The following USH1G variants were observed in gnomAD, a reference collection of about 807,000 sequenced individuals.
USH1G encodes the protein USH1 protein network component sans.
Under a neutral mutation model 31.9 loss-of-function variants are expected in USH1G, and 27 were observed. That is an observed-to-expected ratio of 0.85 (90% confidence interval 0.62 to 1.17). The LOEUF (loss-of-function observed/expected upper bound fraction) is 1.17. USH1G is among the 50% of genes most tolerant of loss of function. The pLI is 0.00. For missense variants in USH1G, 674 were observed against 638.9 expected (o/e 1.05, Z -0.59); for synonymous variants, 266 against 283.2 (o/e 0.94, Z 0.61).
chr17:74,918,192 T>C lies in USH1G; in HGVS notation c.1383-116A>G. The C allele has an allele frequency of 7.0e-7, 1 of 1,434,348 alleles. No homozygotes were observed. The allele number at this position is 1,434,348 out of a possible 1,614,324, so 88.9% of individuals were successfully genotyped here. A position where few individuals can be genotyped will look rare whatever the true frequency, so the allele number is the denominator to read the frequency against. ...CCTCCCCATCTCTCGGCAGGCCAAT[T>C]GTCAGGGATGGGGGACGCCAGCCTA... is the stretch of plus-strand genomic sequence containing the variant. On this transcript the variant is annotated intron_variant, in intron 2 of 2. Transcript: ENST00000614341. The surrounding 1 kb of genome is among the most constrained non-coding windows in gnomAD (Gnocchi z 4.1).
rs373695566 is a variant in USH1G, at chr17:74,923,108, G to T, written c.-35C>A. The T allele has an allele frequency of 1.3e-6, 2 of 1,542,728 alleles. No homozygotes were observed. The highest frequency in any genetic ancestry group is 1.2e-5 in the South Asian group (1 of 83,560). On this transcript the variant is annotated 5_prime_UTR_variant, in exon 1 of 3. Coordinates refer to ENST00000614341, the MANE Select transcript of USH1G (RefSeq NM_173477.5). This position sits in a 1 kb window ranked among gnomAD's most constrained non-coding sequence, Gnocchi z 5.3. ...AGTGGACGGGGCGGGCGGGGGACAC[G>T]GAGAAAGGCCCCCCGCAGGGGAGGG...
chr17:74,921,446 C>T lies in USH1G; in HGVS notation c.165-775G>A, dbSNP rs2038942180. Among the ~76,000 whole-genome samples, 1 of 152,050 alleles carries T rather than the reference C, an allele frequency of 6.6e-6. No homozygotes were observed. On this transcript the variant is annotated intron_variant, in intron 1 of 2. Coordinates refer to ENST00000614341, the MANE Select transcript of USH1G (RefSeq NM_173477.5). This position sits in a 1 kb window ranked among gnomAD's most constrained non-coding sequence, Gnocchi z 4.6. Reference sequence around the variant, plus strand: ...CAGCCCCCACAAGCACCCTTCACACCAGACGGGTGTCCCCCAGGGCAAGCT... The same window carrying T: ...CAGCCCCCACAAGCACCCTTCACACTAGACGGGTGTCCCCCAGGGCAAGCT...
Position 74,920,312 on chromosome 17 carries a change from G to A in USH1G, c.524C>T (p.Thr175Ile). 1 of 1,607,560 alleles carries A rather than the reference G, an allele frequency of 6.2e-7. No homozygotes were observed. Among genetic ancestry groups the A allele is most frequent in the Non-Finnish European group, 8.5e-7 (1 of 1,178,866 alleles). ...GGACGTGAGGCTGGAGAAGCTGAGG[G>A]TGTCGGAACGCTCGGCCAGCTCGCG... is the stretch of plus-strand genomic sequence containing the variant. ...YRRELAERSD[T>I]LSFSSLTSST... Residue 175 changes from threonine to isoleucine, a missense_variant, in exon 2 of 3, where the codon ACC becomes ATC. By Grantham distance (89) the Thr-to-Ile change is moderately conservative. Coordinates refer to ENST00000614341, the MANE Select transcript of USH1G (RefSeq NM_173477.5). The surrounding 1 kb of genome is among the most constrained non-coding windows in gnomAD (Gnocchi z 5.2).
rs1422716864 is a variant in USH1G at position 74,919,843 on chromosome 17, G to A, written c.993C>T (p.Arg331=). The change falls in exon 2 of 3, where the codon CGC becomes CGT. Residue 331 remains arginine (R), a synonymous_variant. Coordinates refer to ENST00000614341, the MANE Select transcript of USH1G (RefSeq NM_173477.5). The surrounding 1 kb of genome is among the most constrained non-coding windows in gnomAD (Gnocchi z 4.5). The part of the protein sequence containing the change: ...YLSSGLHGLG[R]EDGGLDGVGA... ...CCACCCCATCCAGACCCCCATCCTC[G>A]CGGCCCAGTCCGTGCAGCCCACTGC... 1 of 1,612,848 alleles carries A rather than the reference G, an allele frequency of 6.2e-7. No individual in the cohort carries two copies. Among genetic ancestry groups the A allele is most frequent in the African/African-American group, 1.3e-5 (1 of 74,912 alleles).
In USH1G at chr17:74,922,928, C is replaced by G. The variant is rs917200314; in HGVS notation, c.146G>C (p.Arg49Pro). 4 of 1,547,172 alleles carry G rather than the reference C, an allele frequency of 2.6e-6. No homozygotes were observed. In the African/African-American group the frequency reaches 4.1e-5, roughly 16 times the overall value. Residue 49 changes from arginine to proline, a missense_variant, in exon 1 of 3, where the codon CGT becomes CCT. Transcript: ENST00000614341. ...TACTCACCCGCGGCTCACAATGAGACGCAGCGACTCGAGGTTGCCATGGTA... is the reference window on the plus strand; with the variant it reads ...TACTCACCCGCGGCTCACAATGAGAGGCAGCGACTCGAGGTTGCCATGGTA... Reference protein sequence around the residue: ...AAYHGNLESLRLIVSRGGDPD... With the variant: ...AAYHGNLESLPLIVSRGGDPD...
rs1015169479 is a variant in USH1G at position 74,920,793 on chromosome 17, C to T, written c.165-122G>A. ...AGCAACCCCCAAAGGGACCGTGGGC[C>T]TGAGATCTCTCCCACTCCAGGAGAC... On this transcript the variant is annotated intron_variant, in intron 1 of 2. Coordinates refer to ENST00000614341, the MANE Select transcript of USH1G (RefSeq NM_173477.5). The surrounding 1 kb of genome is among the most constrained non-coding windows in gnomAD (Gnocchi z 5.2). The T allele has an allele frequency of 2.1e-6, 3 of 1,412,034 alleles. No homozygotes were observed. In the African/African-American group the frequency reaches 4.2e-5, roughly 20 times the overall value. The allele number at this position is 1,412,034 out of a possible 1,614,324, so 87.5% of individuals were successfully genotyped here.
Position 74,920,622 on chromosome 17 carries a change from C to T in USH1G, c.214G>A (p.Ala72Thr). 3 of 1,613,850 alleles carry T rather than the reference C, an allele frequency of 1.9e-6. No homozygotes were observed. Among genetic ancestry groups the T allele is most frequent in the African/African-American group, 2.7e-5 (2 of 75,054 alleles). Residue 72 changes from alanine (A) to threonine (T), a missense_variant, in exon 2 of 3, where the codon GCA (alanine) becomes ACA (threonine). Transcript: ENST00000614341. The surrounding 1 kb of genome is among the most constrained non-coding windows in gnomAD (Gnocchi z 5.2). ...CAGTGCAAGTGGCCATTGGAAGCTGCCAGATGCAGGGGTGTGTTGCCCCAG... is the reference window on the plus strand; with the variant it reads ...CAGTGCAAGTGGCCATTGGAAGCTGTCAGATGCAGGGGTGTGTTGCCCCAG... ...DIWGNTPLHL[A>T]ASNGHLHCLS...
chr17:74,919,643 G>C lies in USH1G; in HGVS notation c.1193C>G (p.Ser398Cys). The C allele has an allele frequency of 6.2e-7, 1 of 1,612,830 alleles. No homozygotes were observed. Among genetic ancestry groups the C allele is most frequent in the Non-Finnish European group, 8.5e-7 (1 of 1,180,024 alleles). The change falls in exon 2 of 3, where the codon TCT (serine) becomes TGT (cysteine). Residue 398 changes from serine (S) to cysteine (C), a missense_variant. Physicochemically the swap from Ser to Cys is moderately radical, Grantham distance 112 (BLOSUM62 -1). Coordinates refer to ENST00000614341, the MANE Select transcript of USH1G (RefSeq NM_173477.5). The surrounding 1 kb of genome is among the most constrained non-coding windows in gnomAD (Gnocchi z 4.5). ...ETSPLETFLA[S>C]LHMEDFAALL... The stretch of plus-strand genomic sequence containing the variant: ...GGCGGCAAAGTCCTCCATGTGCAGA[G>C]AGGCCAGGAAGGTCTCCAGCGGGCT...
In USH1G at chr17:74,917,965, G is replaced by T; in HGVS notation, c.*108C>A. On this transcript the variant is annotated 3_prime_UTR_variant, in exon 3 of 3. Coordinates refer to ENST00000614341, the MANE Select transcript of USH1G (RefSeq NM_173477.5). ...AAAGGAGTCGCCCCAACTGGTCCTT[G>T]CTCCTGGGGAAGGGGGCTGCAGGGC... 1 of 1,464,206 alleles carries T rather than the reference G, an allele frequency of 6.8e-7. No individual in the cohort carries two copies. Among genetic ancestry groups the T allele is most frequent in the Non-Finnish European group, 9.5e-7 (1 of 1,052,550 alleles). 90.7% of individuals were successfully genotyped at this position (1,464,206 alleles called of 1,614,324 possible).
In USH1G at chr17:74,919,316, A is replaced by C; in HGVS notation, c.1382+138T>G. 7.6e-6 allele frequency: 10 copies of C among 1,321,884 alleles called. No individual in the cohort carries two copies. The highest frequency in any genetic ancestry group is 3.2e-5 in the South Asian group (2 of 62,950). 81.9% of individuals were successfully genotyped at this position (1,321,884 alleles called of 1,614,324 possible). ...GGTAAATAAAATAAGGGTGCCTTTT[A>C]TCATCGATGGCCTCATTTCGATTTT... On this transcript the variant is annotated intron_variant, in intron 2 of 2. Coordinates refer to ENST00000614341, the MANE Select transcript of USH1G (RefSeq NM_173477.5). This position sits in a 1 kb window ranked among gnomAD's most constrained non-coding sequence, Gnocchi z 4.5.
rs779288250 is a variant in USH1G, at chr17:74,919,759, A to G, written c.1077T>C (p.Ser359=). ...AGCTGCGGTCCTGCAGGCTGTTGGC[A>G]CTGCCCAGGCTGTCATCGTCCAGGC... ...SPSLDDDSLG[S]ANSLQDRSCG... Residue 359 remains serine (S), a synonymous_variant, in exon 2 of 3, where the codon AGT becomes AGC. Coordinates refer to ENST00000614341, the MANE Select transcript of USH1G (RefSeq NM_173477.5). This position sits in a 1 kb window ranked among gnomAD's most constrained non-coding sequence, Gnocchi z 4.5. 6.2e-7 allele frequency: 1 copy of G among 1,612,860 alleles called. No homozygotes were observed. Among genetic ancestry groups the G allele is most frequent in the Non-Finnish European group, 8.5e-7 (1 of 1,179,984 alleles).
In USH1G at chr17:74,919,618, G is replaced by A; in HGVS notation, c.1218C>T (p.Ala406=). The A allele has an allele frequency of 6.2e-7, 1 of 1,612,806 alleles. No homozygotes were observed. The highest frequency in any genetic ancestry group is 8.5e-7 in the Non-Finnish European group (1 of 1,180,026). The change falls in exon 2 of 3, where the codon GCC becomes GCT. Residue 406 remains alanine, a synonymous_variant. Transcript: ENST00000614341. This position sits in a 1 kb window ranked among gnomAD's most constrained non-coding sequence, Gnocchi z 4.5. ...LASLHMEDFA[A]LLRQEKIDLE... Reference sequence around the variant, plus strand: ...GGTCGATCTTCTCCTGCCGCAGGAGGGCGGCAAAGTCCTCCATGTGCAGAG... The same window carrying A: ...GGTCGATCTTCTCCTGCCGCAGGAGAGCGGCAAAGTCCTCCATGTGCAGAG...
Position 74,918,283 on chromosome 17 carries a change from C to A in USH1G, c.1383-207G>T, listed in dbSNP as rs75790157. Among the ~76,000 whole-genome samples the A allele has an allele frequency of 5.9e-5, 9 of 152,314 alleles. No homozygotes were observed. The East Asian group carries it at 1.7e-3, about 29-fold the overall frequency. On this transcript the variant is annotated intron_variant, in intron 2 of 2. Transcript: ENST00000614341. The surrounding 1 kb of genome is among the most constrained non-coding windows in gnomAD (Gnocchi z 4.1). ...CTCCCCACACCCATCCCTGCCCCAG[C>A]CATTCAGGATAACGGCCATAGATAC...
At position 74,920,432 on chromosome 17, in the gene USH1G, A is replaced by C. The variant is rs1486952514; in HGVS notation, c.404T>G (p.Leu135Arg). Reference sequence around the variant, plus strand: ...CGCCTCGCGGAAGGCCTTGTCCTTCAGCTTACCCACCAGCTTGGGGTTGAG... The same window carrying C: ...CGCCTCGCGGAAGGCCTTGTCCTTCCGCTTACCCACCAGCTTGGGGTTGAG... ...SSLNPKLVGK[L>R]KDKAFREAER... The change falls in exon 2 of 3, where the codon CTG (leucine) becomes CGG (arginine). Residue 135 changes from leucine to arginine, a missense_variant. By Grantham distance (102) the Leu-to-Arg change is moderately radical. Transcript: ENST00000614341. This position sits in a 1 kb window ranked among gnomAD's most constrained non-coding sequence, Gnocchi z 5.2. 1.2e-6 allele frequency: 2 copies of C among 1,613,620 alleles called. No homozygotes were observed. Among genetic ancestry groups the C allele is most frequent in the Non-Finnish European group, 1.7e-6 (2 of 1,180,028 alleles).
At position 74,919,436 on chromosome 17, in the gene USH1G, G is replaced by T. The variant is rs368389700; in HGVS notation, c.1382+18C>A. 5.2e-6 allele frequency: 7 copies of T among 1,339,932 alleles called. No individual in the cohort carries two copies. Among genetic ancestry groups the T allele is most frequent in the Non-Finnish European group, 5.8e-6 (6 of 1,031,740 alleles). The allele number at this position is 1,339,932 out of a possible 1,614,324, so 83.0% of individuals were successfully genotyped here. A position where few individuals can be genotyped will look rare whatever the true frequency, so the allele number is the denominator to read the frequency against. On this transcript the variant is annotated intron_variant, in intron 2 of 2. Transcript: ENST00000614341. This position sits in a 1 kb window ranked among gnomAD's most constrained non-coding sequence, Gnocchi z 4.5. ...CAACTCCTGCTCCTCCATCCCCCCC[G>T]CCAGGCTGGACACTCACAGCTCTGT...
chr17:74,920,815 A>G lies in USH1G; in HGVS notation c.165-144T>C, dbSNP rs1267895651. On this transcript the variant is annotated intron_variant, in intron 1 of 2. Transcript: ENST00000614341. This position sits in a 1 kb window ranked among gnomAD's most constrained non-coding sequence, Gnocchi z 5.2. Reference sequence around the variant, plus strand: ...GGCCTGAGATCTCTCCCACTCCAGGAGACCTGCAGGCCTGAGCCACCCAAC... The same window carrying G: ...GGCCTGAGATCTCTCCCACTCCAGGGGACCTGCAGGCCTGAGCCACCCAAC... The G allele has an allele frequency of 1.5e-6, 2 of 1,299,286 alleles. No individual in the cohort carries two copies. The highest frequency in any genetic ancestry group is 2.9e-5 in the African/African-American group (2 of 68,284). The allele number at this position is 1,299,286 out of a possible 1,614,324, so 80.5% of individuals were successfully genotyped here. A position where few individuals can be genotyped will look rare whatever the true frequency, so the allele number is the denominator to read the frequency against.
In USH1G at chr17:74,917,875, A is replaced by G. The variant is rs888150950; in HGVS notation, c.*198T>C. On this transcript the variant is annotated 3_prime_UTR_variant, in exon 3 of 3. Coordinates refer to ENST00000614341, the MANE Select transcript of USH1G (RefSeq NM_173477.5). ...GACCCCTCAGAACTGGAGTTCCGGA[A>G]CATTCTCTTGCCCCTCTGGTGCCTC... 11 of 683,600 alleles carry G rather than the reference A, an allele frequency of 1.6e-5. No individual in the cohort carries two copies. The African/African-American group carries it at 1.8e-4, about 11-fold the overall frequency. 42.3% of individuals were successfully genotyped at this position (683,600 alleles called of 1,614,324 possible). A position where few individuals can be genotyped will look rare whatever the true frequency, so the allele number is the denominator to read the frequency against.
Position 74,919,430 on chromosome 17 carries a change from C to A in USH1G, c.1382+24G>T. ...GCCTTCCAACTCCTGCTCCTCCATC[C>A]CCCCCGCCAGGCTGGACACTCACAG... On this transcript the variant is annotated intron_variant, in intron 2 of 2. Coordinates refer to ENST00000614341, the MANE Select transcript of USH1G (RefSeq NM_173477.5). The surrounding 1 kb of genome is among the most constrained non-coding windows in gnomAD (Gnocchi z 4.5). 6.3e-7 allele frequency: 1 copy of A among 1,590,420 alleles called. No homozygotes were observed. Among genetic ancestry groups the A allele is most frequent in the Non-Finnish European group, 8.6e-7 (1 of 1,168,242 alleles).
rs1224609278 is a variant in USH1G, at chr17:74,920,449, G to C, written c.387C>G (p.Pro129=). 2 of 1,613,628 alleles carry C rather than the reference G, an allele frequency of 1.2e-6. No individual in the cohort carries two copies. The highest frequency in any genetic ancestry group is 1.3e-5 in the African/African-American group (1 of 74,940). The change falls in exon 2 of 3, where the codon CCC becomes CCG. Residue 129 remains proline (P), a synonymous_variant. Transcript: ENST00000614341. This position sits in a 1 kb window ranked among gnomAD's most constrained non-coding sequence, Gnocchi z 5.2. ...TGTCCTTCAGCTTACCCACCAGCTTGGGGTTGAGGCTGCTCTGCTTGGCCG... is the reference window on the plus strand; with the variant it reads ...TGTCCTTCAGCTTACCCACCAGCTTCGGGTTGAGGCTGCTCTGCTTGGCCG... ...SIAAKQSSLN[P]KLVGKLKDKA...
Sources: allele counts gnomAD v4.1 joint callset (sites outside exome capture counted in the v4.1 genomes callset), GRCh38; gene constraint gnomAD v4.1.1; non-coding constraint Gnocchi (gnomAD v3.1); transcripts MANE v1.5; gene names NCBI Gene and HGNC (gene_info 2026-07-23, HGNC 2026-07-21).